Variants in HMCN1 observed in about 807,000 individuals in gnomAD.
HMCN1 encodes hemicentin 1.
HMCN1 carries 321 observed loss-of-function variants against 625.9 expected under a neutral mutation model. That is an observed-to-expected ratio of 0.51 (90% CI 0.47 to 0.56). The LOEUF (loss-of-function observed/expected upper bound fraction) is 0.56. Among genes scored for constraint, HMCN1 ranks in the 20% least tolerant of loss-of-function variants. The pLI, the probability that HMCN1 is intolerant of heterozygous loss-of-function variation, is 0.00. For synonymous variants in HMCN1, 2,425 were observed against 2,417.6 expected, an observed-to-expected ratio of 1.00 and a Z score of -0.09; for missense variants, 6,588 against 6,887.3, an observed-to-expected ratio of 0.96 and a Z score of 1.54.
chr1:186,181,999 A>G (rs1652962840), intron 104 of HMCN1, among the ~76,000 whole-genome samples, 169 bp from the exon 105 acceptor site: 2 of 152,220 alleles, frequency 1.3e-5, no homozygotes, highest in African/African-American at 4.8e-5. Context: ...TATTTTTATA[A>G]CATAAAAGTA....
rs748846606 is a variant in HMCN1 at position 186,023,134 on chromosome 1, C to T, written c.5730C>T (p.His1910=). 1.2e-6 allele frequency: 2 copies of T among 1,613,070 alleles called. No homozygotes were observed. Among genetic ancestry groups the T allele is most frequent in the South Asian group, 2.2e-5 (2 of 91,074 alleles). ...ACGCAGCTGGAGAAACACAACAGCACATTCAACTGCATGTTCATGGTAATG... is the reference window on the plus strand; with the variant it reads ...ACGCAGCTGGAGAAACACAACAGCATATTCAACTGCATGTTCATGGTAATG... ...ATNAAGETQQ[H]IQLHVHEPPS... is the part of the protein sequence containing the mutation. The change falls in exon 36 of 107, where the codon CAC becomes CAT. Residue 1910 remains histidine, a synonymous_variant. Transcript: ENST00000271588.
At chr1:185,883,017 G>A (rs1462365809) in intron 4 of HMCN1, among the ~76,000 whole-genome samples, 3 of 152,024 alleles carry the variant, frequency 2.0e-5, no homozygotes, top group African/African-American at 7.2e-5. Flanking sequence ...TAAGGGCAGG[G>A]AGGACAAGGG....
chr1:185,935,352 G>T (rs1395980774), intron 11 of HMCN1, among the ~76,000 whole-genome samples: 1 of 152,118 alleles, frequency 6.6e-6, no homozygotes, highest in Admixed American at 6.6e-5. Context: ...AAGAGATTCT[G>T]TTTCCATAGG....
intron 86 of HMCN1, among the ~76,000 whole-genome samples, chr1:186,133,016 C>T (rs1662027722): frequency 6.6e-6 from 1 of 152,102 alleles, no homozygotes. Flanking sequence ...GTATATGTGC[C>T]ACGTTTTCTT....
intron 1 of HMCN1, among the ~76,000 whole-genome samples, chr1:185,770,018 T>A (rs1656131104): frequency 1.3e-5 from 2 of 152,156 alleles, no homozygotes; most frequent in South Asian, 4.1e-4. Context: ...AGACTTTGCC[T>A]CTTGATAGGA....
At chr1:185,799,495 G>T (rs1658639580) in intron 1 of HMCN1, among the ~76,000 whole-genome samples, 1 of 152,200 alleles carries the variant, frequency 6.6e-6, no homozygotes, top group African/African-American at 2.4e-5. Context: ...ACAAGGACCA[G>T]CCCTGATTGT....
chr1:185,896,967 G>A (rs1286395268), intron 4 of HMCN1, among the ~76,000 whole-genome samples: 1 of 152,132 alleles, frequency 6.6e-6, no homozygotes, highest in African/African-American at 2.4e-5. Context: ...AATTGGCAAA[G>A]TATTGATTTT....
chr1:185,905,044 A>G (rs1162690383), intron 4 of HMCN1, among the ~76,000 whole-genome samples: 1 of 151,848 alleles, frequency 6.6e-6, no homozygotes, highest in Non-Finnish European at 1.5e-5. Context: ...TAAATAAAAT[A>G]AAAATTAAAT....
At chr1:185,944,717 A>G (rs149324872) in intron 11 of HMCN1, among the ~76,000 whole-genome samples, 92 of 152,332 alleles carry the variant, frequency 6.0e-4, no homozygotes, top group African/African-American at 2.1e-3. Flanking sequence ...ACAAGCATGC[A>G]GACAAAATAT....
At chr1:185,825,880 T>C (rs543292902) in intron 1 of HMCN1, among the ~76,000 whole-genome samples, 1 of 152,182 alleles carries the variant, frequency 6.6e-6, no homozygotes, top group Non-Finnish European at 1.5e-5. Flanking sequence ...TTTAAAAAAG[T>C]ATTTGGAGGA....
chr1:185,829,419 C>T lies in HMCN1; in HGVS notation c.269-16607C>T, dbSNP rs140785791. ...AAGTTCGCTCCCCTCACCCCTTACC[C>T]CCCAACAGGCTGTGGGGTGTGTCAT... On this transcript the variant is annotated intron_variant, in intron 1 of 106. Transcript: ENST00000271588. Among the ~76,000 whole-genome samples the T allele has an allele frequency of 1.2e-4, 19 of 152,250 alleles. No individual in the cohort carries two copies. The East Asian group carries it at 3.7e-3, about 29-fold the overall frequency.
rs138914915 is a variant in HMCN1 at position 185,759,913 on chromosome 1, A to G, written c.268+24866A>G. ...AGAAGAGTAAAATGATACCGAATGC[A>G]CTGAATCCAGCCATTATTAATAACA... On this transcript the variant is annotated intron_variant, in intron 1 of 106. Coordinates refer to ENST00000271588, the MANE Select transcript of HMCN1 (RefSeq NM_031935.3). 9.0e-3 allele frequency among the ~76,000 whole-genome samples: 1,376 copies of G among 152,344 alleles called. 13 individuals are homozygous for G. The highest frequency in any genetic ancestry group is 0.027 in the Middle Eastern group (8 of 294).
rs190050934 is a variant in HMCN1, at chr1:185,734,643, C to A, written c.-137C>A. On this transcript the variant is annotated 5_prime_UTR_variant, in exon 1 of 107. Transcript: ENST00000271588. ...GTGCTTGTCCCCGTCTGATTCTCAG[C>A]GCCAAACTTTTTGCTAGTTCAGAGA... is the stretch of plus-strand genomic sequence containing the variant. The A allele has an allele frequency of 5.3e-4, 446 of 834,588 alleles. 5 individuals carry two copies. In the African/African-American group the frequency reaches 6.7e-3, roughly 12 times the overall value. 51.7% of individuals were successfully genotyped at this position (834,588 alleles called of 1,614,324 possible).
intron 6 of HMCN1, among the ~76,000 whole-genome samples, chr1:185,921,467 G>A (rs1667000943): frequency 6.6e-6 from 1 of 152,110 alleles, no homozygotes; most frequent in Admixed American, 6.5e-5. Context: ...AATTCATCTG[G>A]CTGTCCACCA....
intron 4 of HMCN1, among the ~76,000 whole-genome samples, chr1:185,892,476 C>A (rs1487666418): frequency 6.6e-6 from 1 of 151,968 alleles, no homozygotes; most frequent in Non-Finnish European, 1.5e-5. Flanking sequence ...TGGTGATGTA[C>A]AGATGGGTTT....
rs540930707 is a variant in HMCN1, at chr1:185,783,854, C to A, written c.268+48807C>A. 2.0e-5 allele frequency among the ~76,000 whole-genome samples: 3 copies of A among 152,306 alleles called. No individual in the cohort carries two copies. In the South Asian group the frequency reaches 6.2e-4, roughly 32 times the overall value. On this transcript the variant is annotated intron_variant, in intron 1 of 106. Transcript: ENST00000271588. ...ATCTCAAACTCCATGCTGGGAGAAC[C>A]ACTGTACCGTCTTCAAAGCTGTTAG...
chr1:185,830,336 T>C (rs1001604091), intron 1 of HMCN1, among the ~76,000 whole-genome samples: 1 of 152,210 alleles, frequency 6.6e-6, no homozygotes, highest in Admixed American at 6.5e-5. Flanking sequence ...CCGTATGTCC[T>C]GAATGGTTTT....
At chr1:186,135,444 T>C (rs1326956091) in intron 86 of HMCN1, among the ~76,000 whole-genome samples, 3 of 152,206 alleles carry the variant, frequency 2.0e-5, no homozygotes, top group Admixed American at 2.0e-4. Flanking sequence ...AGCAATCTTA[T>C]TCACTATGAA....
intron 86 of HMCN1, among the ~76,000 whole-genome samples, 178 bp from the exon 87 acceptor site, chr1:186,136,487 TAAA>T (rs1278459284): frequency 6.6e-6 from 1 of 152,076 alleles, no homozygotes; most frequent in Admixed American, 6.5e-5. Context: ...ATTTACTAAA[TAAA>T]AAAGAATTAT....
Sources: gnomAD v4.1 joint callset for allele counts (sites outside exome capture counted in the v4.1 genomes callset) on GRCh38, gnomAD v4.1.1 for gene constraint, MANE v1.5 for transcripts, NCBI Gene and HGNC (gene_info 2026-07-23, HGNC 2026-07-21) for gene names.